The following SCN2A variants were observed in gnomAD, a reference collection of about 807,000 sequenced individuals.
The protein encoded by SCN2A is sodium channel protein type 2 subunit alpha.
SCN2A carries 20 observed loss-of-function variants against 188.7 expected under a neutral mutation model. The ratio of observed to expected loss-of-function variants is 0.11; its 90% CI spans 0.07 to 0.15. The LOEUF (loss-of-function observed/expected upper bound fraction) is 0.15, where lower values mean the gene tolerates loss of function less well. SCN2A is among the 10% of genes least tolerant of loss of function. The pLI is 1.00. For missense variants in SCN2A, 1,278 were observed against 2,445.0 expected, an observed-to-expected ratio of 0.52 and a Z score of 10.07; for synonymous variants, 804 against 833.1, an observed-to-expected ratio of 0.97 and a Z score of 0.60.
At chr2:165,298,946 A>G (rs1696649478) in intron 3 of SCN2A, among the ~76,000 whole-genome samples, 1 of 152,164 alleles carries the variant, frequency 6.6e-6, no homozygotes, top group South Asian at 2.1e-4. Flanking sequence ...AAGTGAAAAA[A>G]TAAGTTTGAA....
At chr2:165,375,391 G>A (rs1225486221) in intron 22 of SCN2A, among the ~76,000 whole-genome samples, 1 of 149,616 alleles carries the variant, frequency 6.7e-6, no homozygotes, top group Non-Finnish European at 1.5e-5. Flanking sequence ...GTGTGTGTGT[G>A]TACATATATG....
At chr2:165,289,389 T>A (rs945988793) in intron 1 of SCN2A, among the ~76,000 whole-genome samples, 1 of 152,064 alleles carries the variant, frequency 6.6e-6, no homozygotes, top group South Asian at 2.1e-4. Context: ...TATAGAAATA[T>A]CAGAATTTAG....
chr2:165,307,258 A>G (rs1259646370), intron 3 of SCN2A, among the ~76,000 whole-genome samples: 3 of 152,158 alleles, frequency 2.0e-5, no homozygotes, highest in African/African-American at 7.2e-5. Context: ...TTTATAACCA[A>G]GTCAATTGAG....
intron 18 of SCN2A, 39 bp downstream of exon 18, chr2:165,365,302 C>T: frequency 6.2e-7 from 1 of 1,610,492 alleles, no homozygotes. Context: ...TGAGTATCCT[C>T]TTTTCTACCC....
chr2:165,298,680 G>A (rs559338078), intron 3 of SCN2A, among the ~76,000 whole-genome samples: 2 of 152,118 alleles, frequency 1.3e-5, no homozygotes, highest in South Asian at 4.2e-4. Context: ...TTATATTTGG[G>A]TCTCATGATT....
chr2:165,342,288 T>A lies in SCN2A; in HGVS notation c.2389-8T>A. The stretch of plus-strand genomic sequence containing the variant: ...TTGCTCATATAATGAACTACACTTC[T>A]CATTTAGGTCTTCACAGGGATCTTC... On this transcript the variant is annotated splice_polypyrimidine_tract_variant and splice_region_variant and intron_variant, in intron 14 of 26. Transcript: ENST00000375437. 6.2e-7 allele frequency: 1 copy of A among 1,612,588 alleles called. No homozygotes were observed. Among genetic ancestry groups the A allele is most frequent in the Non-Finnish European group, 8.5e-7 (1 of 1,178,782 alleles).
chr2:165,377,528 CA>C (rs774595513), intron 22 of SCN2A, 68 bp from the exon 23 acceptor site: 3 of 1,311,484 alleles, frequency 2.3e-6, no homozygotes, highest in Non-Finnish European at 3.3e-6. Flanking sequence ...GAATTTTGAT[CA>C]ATTATTCAAT....
intron 3 of SCN2A, among the ~76,000 whole-genome samples, chr2:165,305,506 T>C (rs1697071609): frequency 6.6e-6 from 1 of 152,178 alleles, no homozygotes. Context: ...ACATACCTTA[T>C]GTCTTTCTTT....
chr2:165,288,495 CTA>C (rs968748465), intron 1 of SCN2A, among the ~76,000 whole-genome samples: 3 of 147,296 alleles, frequency 2.0e-5, no homozygotes, highest in African/African-American at 7.5e-5. Flanking sequence ...TAAAAATAAA[CTA>C]TAAAAAATAA....
At chr2:165,313,374 T>C (rs530082360) in intron 8 of SCN2A, among the ~76,000 whole-genome samples, 1 of 152,148 alleles carries the variant, frequency 6.6e-6, no homozygotes, top group Non-Finnish European at 1.5e-5. Flanking sequence ...TGCTTTTATA[T>C]GGAGACATAA....
At chr2:165,337,019 C>T (rs1056328247) in intron 14 of SCN2A, among the ~76,000 whole-genome samples, 1 of 149,622 alleles carries the variant, frequency 6.7e-6, no homozygotes, top group Non-Finnish European at 1.5e-5. Flanking sequence ...TTAGAATAAA[C>T]AAAAAAGGAC....
rs1476540937 is a variant in SCN2A at position 165,354,408 on chromosome 2, A to G, written c.3136A>G (p.Asn1046Asp). The G allele has an allele frequency of 6.2e-7, 1 of 1,613,992 alleles. No individual in the cohort carries two copies. Among genetic ancestry groups the G allele is most frequent in the Non-Finnish European group, 8.5e-7 (1 of 1,179,990 alleles). The change falls in exon 17 of 27, where the codon AAT becomes GAT. Residue 1046 changes from asparagine (N) to aspartate (D), a missense_variant. Asn to Asp is a conservative substitution (Grantham distance 23). Coordinates refer to ENST00000375437, the MANE Select transcript of SCN2A (RefSeq NM_001040142.2). ...TGAAATTAAACCGCTTGAAGATCTA[A>G]ATAATAAAAAAGACAGCTGTATTTC... Reference protein sequence around the residue: ...LDEIKPLEDLNNKKDSCISNH... With the variant: ...LDEIKPLEDLDNKKDSCISNH...
At chr2:165,353,522 A>AT (rs1700034665) in intron 16 of SCN2A, among the ~76,000 whole-genome samples, 2 of 152,174 alleles carry the variant, frequency 1.3e-5, no homozygotes, top group African/African-American at 4.8e-5. Flanking sequence ...AGACTGGGTA[A>AT]TTTATAAAGA....
intron 23 of SCN2A, among the ~76,000 whole-genome samples, chr2:165,378,251 C>T (rs1701414199): frequency 6.8e-6 from 1 of 147,680 alleles, no homozygotes; most frequent in South Asian, 2.1e-4. Flanking sequence ...TCTGGTATGC[C>T]AGAGCATGAT....
chr2:165,267,577 T>C (rs886734601), intron 1 of SCN2A: 2 of 151,924 alleles, frequency 1.3e-5, no homozygotes, highest in Non-Finnish European at 2.9e-5. Flanking sequence ...ATGACATTGA[T>C]CTGGGCAATG....
chr2:165,323,174 G>A lies in SCN2A; in HGVS notation c.1690G>A (p.Gly564Ser), dbSNP rs1698160919. 1.2e-6 allele frequency: 2 copies of A among 1,613,942 alleles called. No individual in the cohort carries two copies. The highest frequency in any genetic ancestry group is 2.2e-5 in the South Asian group (2 of 91,070). Residue 564 changes from glycine to serine, a missense_variant, in exon 12 of 27, where the codon GGC becomes AGC. Gly to Ser is a moderately conservative substitution (Grantham distance 56, BLOSUM62 0). Transcript: ENST00000375437. ...TTCATAGTCCTTACTGAGCATCCGT[G>A]GCTCCCTTTTCTCTCCAAGACGCAA... The part of the protein sequence containing the change: ...SPHQSLLSIR[G>S]SLFSPRRNSR...
chr2:165,263,404 T>C (rs1694694150), intron 1 of SCN2A, among the ~76,000 whole-genome samples: 1 of 152,162 alleles, frequency 6.6e-6, no homozygotes, highest in Non-Finnish European at 1.5e-5. Context: ...TTGAGTTTTG[T>C]ATAAGGTGAA....
At chr2:165,239,808 G>A (rs536540286) in intron 1 of SCN2A, among the ~76,000 whole-genome samples, 168 bp downstream of exon 1, 5 of 152,148 alleles carry the variant, frequency 3.3e-5, no homozygotes, top group Non-Finnish European at 7.3e-5. Context: ...GCTGAAATGA[G>A]CTCTGACTAT....
In SCN2A at chr2:165,348,091, G is replaced by A. The variant is rs1175367303; in HGVS notation, c.2919+3180G>A. Among the ~76,000 whole-genome samples the A allele has an allele frequency of 2.0e-5, 3 of 152,194 alleles. No homozygotes were observed. The East Asian group carries it at 5.8e-4, about 29-fold the overall frequency. On this transcript the variant is annotated intron_variant, in intron 16 of 26. Coordinates refer to ENST00000375437, the MANE Select transcript of SCN2A (RefSeq NM_001040142.2). ...GTATATACTCTTGCCAGGCTCAGTG[G>A]CTCACGCCTGTAATCGCAGCATTTT...
Sources: gnomAD v4.1 joint callset for allele counts (sites outside exome capture counted in the v4.1 genomes callset) on GRCh38, gnomAD v4.1.1 for gene constraint, MANE v1.5 for transcripts, NCBI Gene and HGNC (gene_info 2026-07-23, HGNC 2026-07-21) for gene names.